Variants in NFATC3 observed in about 807,000 individuals in gnomAD.
NFATC3 encodes nuclear factor of activated T-cells, cytoplasmic 3.
Under a neutral mutation model 98.6 loss-of-function variants are expected in NFATC3, and 46 were observed. The ratio of observed to expected loss-of-function variants is 0.47; its 90% confidence interval spans 0.37 to 0.60. The LOEUF (loss-of-function observed/expected upper bound fraction) is 0.60, where lower values mean the gene tolerates loss of function less well. NFATC3 is among the 20% of genes least tolerant of loss of function. NFATC3 has a pLI of 0.00. For missense variants in NFATC3, 1,256 were observed against 1,295.5 expected, an observed-to-expected ratio of 0.97 and a Z score of 0.47; for synonymous variants, 512 against 472.2, an observed-to-expected ratio of 1.08 and a Z score of -1.09.
chr16:68,138,255 G>T (rs191217489), intron 3 of NFATC3, among the ~76,000 whole-genome samples: 1 of 150,658 alleles, frequency 6.6e-6, no homozygotes, highest in African/African-American at 2.4e-5. Flanking sequence ...GGCCAGGCTA[G>T]TCTCGAACTC....
Position 68,229,114 on chromosome 16 carries a change from G to A in NFATC3, c.*2643G>A, listed in dbSNP as rs1483480833. ...TTCTCAGTTATGTTTACAGCACTTG[G>A]AATTGTGTGTTCTTGTACATTTTGT... On this transcript the variant is annotated 3_prime_UTR_variant, in exon 10 of 10. Coordinates refer to ENST00000346183, the MANE Select transcript of NFATC3 (RefSeq NM_173165.3). 6.6e-6 allele frequency: 1 copy of A among 152,224 alleles called. No homozygotes were observed. The allele number at this position is 152,224 out of a possible 1,614,324, so 9.4% of individuals were successfully genotyped here. A position where few individuals can be genotyped will look rare whatever the true frequency, so the allele number is the denominator to read the frequency against.
At chr16:68,125,541 CAGGGAAAGGCGCAGTAGGAAGGAAGT>C (rs2036790054) in intron 2 of NFATC3, among the ~76,000 whole-genome samples, 1 of 151,808 alleles carries the variant, frequency 6.6e-6, no homozygotes. Context: ...TTCAGAGAGA[CAGGGAAAGGCGCAGTAGGAAGGAAGT>C]AGGGAAAGGA....
intron 1 of NFATC3, among the ~76,000 whole-genome samples, chr16:68,102,236 G>C (rs1228887905): frequency 6.6e-6 from 1 of 151,834 alleles, no homozygotes; most frequent in African/African-American, 2.4e-5. Context: ...GCTGGGTGTG[G>C]TGGTGCGTGG....
chr16:68,221,415 AC>A (rs1178145570), intron 9 of NFATC3: 1 of 1,439,944 alleles, frequency 6.9e-7, no homozygotes, highest in African/African-American at 1.4e-5. Context: ...TGCAGTTCTG[AC>A]TCCCTAGCCT....
At chr16:68,186,178 T>C (rs890091776) in intron 8 of NFATC3, among the ~76,000 whole-genome samples, 1 of 152,046 alleles carries the variant, frequency 6.6e-6, no homozygotes, top group Non-Finnish European at 1.5e-5. Context: ...AATGACATTT[T>C]GAATAAAATT....
At chr16:68,108,154 A>C (rs1020194920) in intron 1 of NFATC3, among the ~76,000 whole-genome samples, 4 of 152,108 alleles carry the variant, frequency 2.6e-5, no homozygotes, top group African/African-American at 7.2e-5. Context: ...GCCCATGCCT[A>C]TGTCCTGAAT....
chr16:68,103,845 T>G (rs1392680160), intron 1 of NFATC3, among the ~76,000 whole-genome samples: 1 of 152,224 alleles, frequency 6.6e-6, no homozygotes, highest in Non-Finnish European at 1.5e-5. Flanking sequence ...AAAAAATCAA[T>G]TGGCCATAGA....
intron 3 of NFATC3, among the ~76,000 whole-genome samples, chr16:68,157,287 G>A (rs2038670588): frequency 6.6e-6 from 1 of 151,798 alleles, no homozygotes; most frequent in African/African-American, 2.4e-5. Flanking sequence ...GCTTAAATAG[G>A]CATTTAACTT....
chr16:68,129,902 T>C (rs2037032697), intron 3 of NFATC3, among the ~76,000 whole-genome samples: 1 of 152,006 alleles, frequency 6.6e-6, no homozygotes, highest in African/African-American at 2.4e-5. Flanking sequence ...GTCTCAAAAC[T>C]CCTGGCTTCA....
Position 68,191,509 on chromosome 16 carries a change from T to A in NFATC3, c.2840T>A (p.Leu947His). The A allele has an allele frequency of 6.2e-7, 1 of 1,614,116 alleles. No homozygotes were observed. Among genetic ancestry groups the A allele is most frequent in the Non-Finnish European group, 8.5e-7 (1 of 1,180,016 alleles). The change falls in exon 9 of 10, where the codon CTT becomes CAT. Residue 947 changes from leucine (L) to histidine (H), a missense_variant. By Grantham distance (99) the Leu-to-His change is moderately conservative. This residue lies in a region of NFATC3 where 636 missense variants were observed against 617.3 expected (regional missense o/e 1.03). Coordinates refer to ENST00000346183, the MANE Select transcript of NFATC3 (RefSeq NM_173165.3). ...CTTTCTGGGCCACCATCTCCTCAGCTTCAGCCTATGCCTTACCAATCTCCT... is the reference window on the plus strand; with the variant it reads ...CTTTCTGGGCCACCATCTCCTCAGCATCAGCCTATGCCTTACCAATCTCCT... ...SPLSGPPSPQ[L>H]QPMPYQSPSS...
chr16:68,126,586 T>C lies in NFATC3; in HGVS notation c.1377T>C (p.Ser459=). 1 of 1,614,152 alleles carries C rather than the reference T, an allele frequency of 6.2e-7. No homozygotes were observed. Among genetic ancestry groups the C allele is most frequent in the Non-Finnish European group, 8.5e-7 (1 of 1,180,018 alleles). The change falls in exon 3 of 10, where the codon TCT becomes TCC. Residue 459 remains serine (S), a synonymous_variant. Coordinates refer to ENST00000346183, the MANE Select transcript of NFATC3 (RefSeq NM_173165.3). ...TEGSRGAVKA[S]TGGHPVVKLL... ...GTAGCCGAGGGGCAGTAAAAGCATCTACTGGGGGACATCCTGTTGTGAAGG... is the reference window on the plus strand; with the variant it reads ...GTAGCCGAGGGGCAGTAAAAGCATCCACTGGGGGACATCCTGTTGTGAAGG...
Position 68,157,907 on chromosome 16 carries a change from G to A in NFATC3, c.1440G>A (p.Met480Ile), listed in dbSNP as rs1260953084. The A allele has an allele frequency of 1.2e-6, 2 of 1,613,552 alleles. No individual in the cohort carries two copies. Among genetic ancestry groups the A allele is most frequent in the Admixed American group, 3.3e-5 (2 of 59,932 alleles). ...ACGAAAAGCCAATAAATCTACAAATGTTTATTGGGACAGCAGATGATCGAT... is the reference window on the plus strand; with the variant it reads ...ACGAAAAGCCAATAAATCTACAAATATTTATTGGGACAGCAGATGATCGAT... ...GYNEKPINLQMFIGTADDRYL... is the reference protein window; with the variant it reads ...GYNEKPINLQIFIGTADDRYL... Residue 480 changes from methionine to isoleucine, a missense_variant, in exon 4 of 10, where the codon ATG (methionine) becomes ATA (isoleucine). By Grantham distance (10) the Met-to-Ile change is conservative (BLOSUM62 1). This residue lies in a region of NFATC3 where 156 missense variants were observed against 212.4 expected (regional missense o/e 0.73). Coordinates refer to ENST00000346183, the MANE Select transcript of NFATC3 (RefSeq NM_173165.3).
At chr16:68,177,032 CT>C (rs548092276) in intron 6 of NFATC3, among the ~76,000 whole-genome samples, 145 of 133,042 alleles carry the variant, frequency 1.1e-3, no homozygotes, top group Admixed American at 1.8e-3. Flanking sequence ...CTTTTCTTTT[CT>C]TTTTTTTTTT....
At position 68,191,166 on chromosome 16, in the gene NFATC3, C is replaced by T; in HGVS notation, c.2497C>T (p.Gln833Ter). ...SSQEFDSVLF[Q>*]QDATLSGLVN... is the part of the protein sequence containing the mutation. ...TCAAGAATTTGATTCAGTTTTGTTT[C>T]AGCAGGATGCAACTCTTTCTGGTTT... Residue 833 changes from glutamine to a stop codon, truncating the protein, a stop_gained, in exon 9 of 10, where the codon CAG (glutamine) becomes TAG (stop). Coordinates refer to ENST00000346183, the MANE Select transcript of NFATC3 (RefSeq NM_173165.3). LOFTEE classifies it high-confidence loss of function. 1 of 1,614,180 alleles carries T rather than the reference C, an allele frequency of 6.2e-7. No homozygotes were observed. The highest frequency in any genetic ancestry group is 8.5e-7 in the Non-Finnish European group (1 of 1,180,038).
intron 9 of NFATC3, among the ~76,000 whole-genome samples, chr16:68,218,327 C>T (rs2041713365): frequency 6.6e-6 from 1 of 151,554 alleles, no homozygotes; most frequent in African/African-American, 2.4e-5. Flanking sequence ...GTTATCCCAG[C>T]ACTTTGGAAG....
intron 1 of NFATC3, 55 bp from the exon 2 acceptor site, chr16:68,121,932 G>A (rs1598400435): frequency 2.6e-5 from 40 of 1,511,640 alleles, no homozygotes; most frequent in Non-Finnish European, 3.5e-5. Context: ...ATACATCTGA[G>A]TTTTCTAATT....
intron 3 of NFATC3, among the ~76,000 whole-genome samples, chr16:68,128,513 A>G (rs958612581): frequency 1.3e-5 from 2 of 152,192 alleles, no homozygotes; most frequent in African/African-American, 4.8e-5. Context: ...GTATAAATGA[A>G]CAAGTCTTTT....
intron 1 of NFATC3, among the ~76,000 whole-genome samples, chr16:68,117,784 C>G (rs1414627161): frequency 6.6e-6 from 1 of 152,168 alleles, no homozygotes; most frequent in African/African-American, 2.4e-5. Flanking sequence ...TCCCAAAGTT[C>G]TGGGATTACA....
chr16:68,196,474 T>C (rs1474990288), intron 9 of NFATC3, among the ~76,000 whole-genome samples: 1 of 152,214 alleles, frequency 6.6e-6, no homozygotes, highest in African/African-American at 2.4e-5. Context: ...ATATTTGGAT[T>C]TGCCTTTGAA....
Sources: gnomAD v4.1 joint callset for allele counts (sites outside exome capture counted in the v4.1 genomes callset) on GRCh38, gnomAD v4.1.1 for gene constraint, gnomAD v4.1.1 regional missense constraint, MANE v1.5 for transcripts, NCBI Gene and HGNC (gene_info 2026-07-23, HGNC 2026-07-21) for gene names.